NCKAP5: variants seen among roughly 807,000 people sequenced by gnomAD.
The protein encoded by NCKAP5 is nck-associated protein 5.
NCKAP5 carries 92 observed loss-of-function variants against 167.0 expected under a neutral mutation model. That is an observed-to-expected ratio of 0.55 (90% CI 0.47 to 0.66). The LOEUF (loss-of-function observed/expected upper bound fraction) is 0.66. Among genes scored for constraint, NCKAP5 ranks in the 30% least tolerant of loss-of-function variants. The pLI is 0.00. For synonymous variants in NCKAP5, 891 were observed against 877.4 expected, an observed-to-expected ratio of 1.02 and a Z score of -0.27; for missense variants, 2,378 against 2,315.0, an observed-to-expected ratio of 1.03 and a Z score of -0.56.
chr2:133,673,659 T>A, the NCKAP5 span, among the ~76,000 whole-genome samples: 1 of 152,206 alleles, frequency 6.6e-6, no homozygotes, highest in Non-Finnish European at 1.5e-5. Context: ...CAAGTTTCCT[T>A]AAAATATCCC....
intron 3 of NCKAP5, among the ~76,000 whole-genome samples, chr2:133,416,350 T>C (rs988192373): frequency 2.6e-5 from 4 of 152,184 alleles, no homozygotes; most frequent in Non-Finnish European, 5.9e-5. Flanking sequence ...GAGATACCCT[T>C]TGGATTTGTT....
chr2:132,672,172 G>A lies in NCKAP5; in HGVS notation c.*1117C>T, dbSNP rs957281003. The stretch of plus-strand genomic sequence containing the variant: ...AGCACCATTAATTTTATTTTTAAAA[G>A]TGAACATTGCAAATAGAAATTTGTT... On this transcript the variant is annotated 3_prime_UTR_variant, in exon 20 of 20. Coordinates refer to ENST00000409261, the MANE Select transcript of NCKAP5 (RefSeq NM_207363.3). 12 of 152,588 alleles carry A rather than the reference G, an allele frequency of 7.9e-5. No homozygotes were observed. The highest frequency in any genetic ancestry group is 2.9e-4 in the African/African-American group (12 of 41,446). 9.5% of individuals were successfully genotyped at this position (152,588 alleles called of 1,614,324 possible).
chr2:132,965,487 C>T (rs1284534388), intron 7 of NCKAP5, among the ~76,000 whole-genome samples: 1 of 152,100 alleles, frequency 6.6e-6, no homozygotes, highest in Non-Finnish European at 1.5e-5. Context: ...ATGAAGCAAG[C>T]TGTTTTAAAA....
rs546899200 is a variant in NCKAP5 at position 132,810,880 on chromosome 2, G to A, written c.808-14151C>T. On this transcript the variant is annotated intron_variant, in intron 11 of 19. Transcript: ENST00000409261. ...TCATATTACCAGGGTTGGTTTTCTG[G>A]TTCCTTTTCATTTGGGTGGGCTCTG... is the stretch of plus-strand genomic sequence containing the variant. 6.8e-4 allele frequency among the ~76,000 whole-genome samples: 103 copies of A among 152,254 alleles called. 1 individual carries two copies. The highest frequency in any genetic ancestry group is 1.7e-3 in the South Asian group (8 of 4,826).
chr2:133,501,843 A>C lies in NCKAP5; in HGVS notation c.69+15615T>G, dbSNP rs145593952. Among the ~76,000 whole-genome samples, 22 of 152,356 alleles carry C rather than the reference A, an allele frequency of 1.4e-4. No homozygotes were observed. The East Asian group carries it at 3.3e-3, about 23-fold the overall frequency. ...ACCTTACTCTATTCAATTTTTCATG[A>C]ATTCTCTCAAATAATTGGTTTCAAG... On this transcript the variant is annotated intron_variant, in intron 3 of 19. Transcript: ENST00000409261.
intron 3 of NCKAP5, among the ~76,000 whole-genome samples, chr2:133,428,220 A>G (rs1001211818): frequency 6.6e-6 from 1 of 152,204 alleles, no homozygotes; most frequent in Non-Finnish European, 1.5e-5. Flanking sequence ...TCACCAAAAC[A>G]GTAGCTAATT....
At chr2:133,212,501 G>A (rs1395481251) in intron 5 of NCKAP5, among the ~76,000 whole-genome samples, 1 of 152,126 alleles carries the variant, frequency 6.6e-6, no homozygotes, top group African/African-American at 2.4e-5. Context: ...CTGAGTAGCT[G>A]CAATTATAGG....
intron 6 of NCKAP5, among the ~76,000 whole-genome samples, chr2:133,011,840 C>T (rs2078170835): frequency 1.3e-5 from 2 of 152,184 alleles, no homozygotes; most frequent in Admixed American, 6.5e-5. Flanking sequence ...TGACACCATA[C>T]TCTTCAGGGG....
chr2:133,655,895 C>A, the NCKAP5 span, among the ~76,000 whole-genome samples: 71 of 152,090 alleles, frequency 4.7e-4, 1 homozygote, highest in Non-Finnish European at 8.8e-4. Flanking sequence ...GCACTCAAGG[C>A]CAGAGGGATG....
chr2:133,172,685 T>C (rs377123343), intron 5 of NCKAP5, among the ~76,000 whole-genome samples: 7 of 152,102 alleles, frequency 4.6e-5, no homozygotes, highest in East Asian at 3.9e-4. Flanking sequence ...TCTTGCTCTG[T>C]TGCCCAGGCT....
At chr2:132,774,359 G>T (rs1264921282) in intron 15 of NCKAP5, among the ~76,000 whole-genome samples, 2 of 152,072 alleles carry the variant, frequency 1.3e-5, no homozygotes, top group East Asian at 1.9e-4. Flanking sequence ...TAGGTCTGCT[G>T]GCTCTTTCCT....
intron 7 of NCKAP5, among the ~76,000 whole-genome samples, chr2:132,985,952 T>C (rs1471065418): frequency 6.6e-6 from 1 of 152,176 alleles, no homozygotes; most frequent in African/African-American, 2.4e-5. Flanking sequence ...ACTTAGCCAC[T>C]CTATCAACAA....
the NCKAP5 span, among the ~76,000 whole-genome samples, chr2:133,673,820 C>G: frequency 6.6e-6 from 1 of 152,234 alleles, no homozygotes; most frequent in African/African-American, 2.4e-5. Context: ...GATCCTTCAC[C>G]GTGAAATGTG....
At chr2:133,033,130 C>CCA (rs1193207614) in intron 6 of NCKAP5, among the ~76,000 whole-genome samples, 4 of 152,152 alleles carry the variant, frequency 2.6e-5, no homozygotes, top group African/African-American at 9.7e-5. Context: ...TGGTATCACT[C>CCA]CACTCCCAGC....
At chr2:133,507,911 T>C (rs1343919059) in intron 3 of NCKAP5, among the ~76,000 whole-genome samples, 1 of 152,170 alleles carries the variant, frequency 6.6e-6, no homozygotes, top group African/African-American at 2.4e-5. Context: ...AAATGAACTA[T>C]ACTGCTGAGT....
intron 5 of NCKAP5, among the ~76,000 whole-genome samples, chr2:133,133,188 G>A (rs528889495): frequency 5.3e-5 from 8 of 152,208 alleles, no homozygotes; most frequent in East Asian, 1.9e-4. Context: ...TTTACACAAC[G>A]CCACTAGGTA....
At chr2:133,378,375 T>G (rs902522448) in intron 3 of NCKAP5, among the ~76,000 whole-genome samples, 2 of 152,206 alleles carry the variant, frequency 1.3e-5, no homozygotes, top group African/African-American at 2.4e-5. Context: ...TTTTCCTGCC[T>G]TTTAGATAAA....
intron 3 of NCKAP5, among the ~76,000 whole-genome samples, chr2:133,395,702 A>G (rs757108910): frequency 2.0e-5 from 3 of 152,004 alleles, no homozygotes; most frequent in Non-Finnish European, 4.4e-5. Context: ...CTGGAGTGCA[A>G]TGGTGTGATC....
chr2:133,195,756 C>T (rs1017565308), intron 5 of NCKAP5, among the ~76,000 whole-genome samples: 4 of 152,082 alleles, frequency 2.6e-5, no homozygotes, highest in Non-Finnish European at 5.9e-5. Context: ...TAAGAGAAGC[C>T]TCTTAGACAA....
Sources: gnomAD v4.1 joint callset for allele counts (sites outside exome capture counted in the v4.1 genomes callset) on GRCh38, gnomAD v4.1.1 for gene constraint, MANE v1.5 for transcripts, NCBI Gene and HGNC (gene_info 2026-07-23, HGNC 2026-07-21) for gene names.